The following MYO5A variants were observed in gnomAD, a reference collection of about 807,000 sequenced individuals.
MYO5A encodes the protein myosin VA.
In MYO5A, 98 loss-of-function variants were observed where a neutral mutation model predicts 249.7. That is an observed-to-expected ratio of 0.39 (90% CI 0.33 to 0.46). The LOEUF (loss-of-function observed/expected upper bound fraction) is 0.46, where lower values mean the gene tolerates loss of function less well. Ranked by LOEUF, MYO5A falls within the 20% of genes least tolerant of loss-of-function variation. The pLI is 0.98. For synonymous variants in MYO5A, 778 were observed against 810.6 expected, an observed-to-expected ratio of 0.96 and a Z score of 0.68; for missense variants, 1,696 against 2,308.8, an observed-to-expected ratio of 0.73 and a Z score of 5.44.
chr15:52,432,310 A>G (rs2141304078), intron 2 of MYO5A, among the ~76,000 whole-genome samples: 1 of 152,384 alleles, frequency 6.6e-6, no homozygotes, highest in East Asian at 1.9e-4. Context: ...AGCAGGATAT[A>G]TGAGTGGCCT....
At chr15:52,361,427 T>G (rs1200119153) in intron 24 of MYO5A, among the ~76,000 whole-genome samples, 1 of 152,170 alleles carries the variant, frequency 6.6e-6, no homozygotes, top group Non-Finnish European at 1.5e-5. Context: ...ATACAAGGAA[T>G]ACCTTAAGGC....
In MYO5A at chr15:52,330,627, C is replaced by T. The variant is rs1277070067; in HGVS notation, c.4409-128G>A. 4.6e-6 allele frequency: 5 copies of T among 1,081,264 alleles called. No homozygotes were observed. In the African/African-American group the frequency reaches 4.8e-5, roughly 10 times the overall value. The allele number at this position is 1,081,264 out of a possible 1,614,324, so 67.0% of individuals were successfully genotyped here. On this transcript the variant is annotated intron_variant, in intron 34 of 41. Coordinates refer to ENST00000399233, the MANE Select transcript of MYO5A (RefSeq NM_001382347.1). ...CTTGCCATATTTGCCACTTAATTGCCTTCTCTTAAAATAATTTTTTTCTGT... is the reference window on the plus strand; with the variant it reads ...CTTGCCATATTTGCCACTTAATTGCTTTCTCTTAAAATAATTTTTTTCTGT...
At chr15:52,383,015 A>G in intron 16 of MYO5A, 76 bp downstream of exon 16, 2 of 1,266,462 alleles carry the variant, frequency 1.6e-6, no homozygotes, top group Non-Finnish European at 2.3e-6. Context: ...TGTAAGGAAA[A>G]TATTAGTTTG....
At chr15:52,487,580 C>T (rs1458485934) in intron 1 of MYO5A, among the ~76,000 whole-genome samples, 7 of 151,624 alleles carry the variant, frequency 4.6e-5, no homozygotes, top group African/African-American at 1.7e-4. Flanking sequence ...AAAAATTAGC[C>T]GAGCATGGTG....
intron 1 of MYO5A, among the ~76,000 whole-genome samples, chr15:52,476,878 T>C (rs1421017594): frequency 2.0e-5 from 3 of 152,198 alleles, no homozygotes; most frequent in Admixed American, 6.5e-5. Flanking sequence ...GTCTTGGGGT[T>C]GTTCTTCTCA....
chr15:52,458,013 A>C (rs1567144377), intron 1 of MYO5A, among the ~76,000 whole-genome samples: 1 of 152,244 alleles, frequency 6.6e-6, no homozygotes, highest in Admixed American at 6.5e-5. Context: ...CAGAAAAACA[A>C]ATATCACACA....
chr15:52,528,697 G>A (rs2077769751), intron 1 of MYO5A, 83 bp downstream of exon 1: 3 of 1,428,176 alleles, frequency 2.1e-6, no homozygotes, highest in East Asian at 5.9e-5. Flanking sequence ...TGGGCCCGGC[G>A]CTCCCGCCCC....
In MYO5A at chr15:52,391,970, G is replaced by A. The variant is rs1315360034; in HGVS notation, c.1502C>T (p.Ser501Leu). The change falls in exon 12 of 42, where the codon TCA (serine) becomes TTA (leucine). Residue 501 changes from serine to leucine, a missense_variant. Physicochemically the swap from Ser to Leu is moderately radical, Grantham distance 145 (BLOSUM62 -2). This residue lies in a region of MYO5A where 277 missense variants were observed against 422.4 expected (regional missense o/e 0.66). Coordinates refer to ENST00000399233, the MANE Select transcript of MYO5A (RefSeq NM_001382347.1). ...CAGTAAATCTAGAATGCCTAGTTTTGATTCTATAAGATTAATACAAGGCTG... is the reference window on the plus strand; with the variant it reads ...CAGTAAATCTAGAATGCCTAGTTTTAATTCTATAAGATTAATACAAGGCTG... The part of the protein sequence containing the change: ...DNQPCINLIE[S>L]KLGILDLLDE... The A allele has an allele frequency of 6.2e-7, 1 of 1,612,252 alleles. No individual in the cohort carries two copies. The highest frequency in any genetic ancestry group is 1.3e-5 in the African/African-American group (1 of 74,814).
chr15:52,528,956 G>A (rs1332448692), upstream of MYO5A: 3 of 512,630 alleles, frequency 5.9e-6, no homozygotes, highest in African/African-American at 2.1e-5. Context: ...GGGCGGGGCG[G>A]GGCGGGGCGC....
intron 1 of MYO5A, among the ~76,000 whole-genome samples, chr15:52,438,843 C>G: frequency 6.6e-6 from 1 of 152,234 alleles, no homozygotes; most frequent in East Asian, 1.9e-4. Flanking sequence ...ACGGCTCGAG[C>G]TGAGCTTTCG....
rs1314531307 is a variant in MYO5A at position 52,455,935 on chromosome 15, T to C, written c.28-22650A>G. On this transcript the variant is annotated intron_variant, in intron 1 of 41. Coordinates refer to ENST00000399233, the MANE Select transcript of MYO5A (RefSeq NM_001382347.1). ...AAAAGGATGTCTACTTTTACTTTTATTCAACATAATATTGGAAGTCCTCAC... is the reference window on the plus strand; with the variant it reads ...AAAAGGATGTCTACTTTTACTTTTACTCAACATAATATTGGAAGTCCTCAC... Among the ~76,000 whole-genome samples the C allele has an allele frequency of 2.0e-5, 3 of 152,246 alleles. No individual in the cohort carries two copies. In the East Asian group the frequency reaches 5.8e-4, roughly 29 times the overall value.
At chr15:52,346,744 C>A in intron 29 of MYO5A, 1 of 455,934 alleles carries the variant, frequency 2.2e-6, no homozygotes, top group Non-Finnish European at 4.1e-6. Flanking sequence ...CACTGATGGG[C>A]CATATATGTG....
At chr15:52,374,272 A>G (rs1251165305) in intron 20 of MYO5A, among the ~76,000 whole-genome samples, 1 of 152,236 alleles carries the variant, frequency 6.6e-6, no homozygotes, top group African/African-American at 2.4e-5. Flanking sequence ...GTATCTGTCA[A>G]TACAATTTTA....
intron 1 of MYO5A, among the ~76,000 whole-genome samples, chr15:52,487,371 A>G (rs2141520840): frequency 6.6e-6 from 1 of 152,114 alleles, no homozygotes; most frequent in Non-Finnish European, 1.5e-5. Context: ...AGCCATGATC[A>G]CACCACTGAA....
At chr15:52,437,343 C>A (rs1403729036) in intron 1 of MYO5A, among the ~76,000 whole-genome samples, 2 of 152,086 alleles carry the variant, frequency 1.3e-5, no homozygotes, top group Non-Finnish European at 2.9e-5. Flanking sequence ...GCCTGTAATC[C>A]CAGCTCTTTG....
intron 32 of MYO5A, 42 bp from the exon 33 acceptor site, chr15:52,337,926 G>T: frequency 7.4e-7 from 1 of 1,349,364 alleles, no homozygotes; most frequent in Non-Finnish European, 1.0e-6. Context: ...TTGTCTGTGT[G>T]TTTGAGGGAA....
chr15:52,500,736 T>C (rs1280588563), intron 1 of MYO5A, among the ~76,000 whole-genome samples: 1 of 152,138 alleles, frequency 6.6e-6, no homozygotes, highest in Non-Finnish European at 1.5e-5. Context: ...TTTTCTTTTA[T>C]TTGTAGCCTT....
intron 4 of MYO5A, among the ~76,000 whole-genome samples, chr15:52,423,630 C>T (rs1343124174): frequency 2.0e-5 from 3 of 151,694 alleles, no homozygotes; most frequent in African/African-American, 7.3e-5. Flanking sequence ...AATAGATACA[C>T]TCTATTTTAC....
At chr15:52,426,979 C>G (rs1243251770) in intron 3 of MYO5A, among the ~76,000 whole-genome samples, 1 of 151,674 alleles carries the variant, frequency 6.6e-6, no homozygotes, top group Non-Finnish European at 1.5e-5. Context: ...AGGTCCAAAT[C>G]ATGTTTTTGA....
Sources: gnomAD v4.1 joint callset for allele counts (sites outside exome capture counted in the v4.1 genomes callset) on GRCh38, gnomAD v4.1.1 for gene constraint, gnomAD v4.1.1 regional missense constraint, MANE v1.5 for transcripts, NCBI Gene and HGNC (gene_info 2026-07-23, HGNC 2026-07-21) for gene names.